The following SLC41A3 variants were observed in gnomAD, a reference collection of about 807,000 sequenced individuals.
SLC41A3 encodes solute carrier family 41 member 3.
A neutral mutation model predicts 45.4 loss-of-function variants in SLC41A3; 44 were observed. The observed-to-expected ratio is 0.97, with a 90% CI of 0.76 to 1.25. The LOEUF (loss-of-function observed/expected upper bound fraction) is 1.25. Ranked by LOEUF, SLC41A3 falls within the 50% of genes most tolerant of loss-of-function variation. The pLI, the probability that SLC41A3 is intolerant of heterozygous loss-of-function variation, is 0.00. For synonymous variants in SLC41A3, 256 were observed against 252.4 expected (o/e 1.01, Z -0.13); for missense variants, 550 against 600.6 (o/e 0.92, Z 0.88).
intron 1 of SLC41A3, chr3:126,092,592 G>C (rs1196755885): frequency 3.9e-5 from 6 of 153,010 alleles, no homozygotes; most frequent in African/African-American, 1.4e-4. Flanking sequence ...CTCCCCGACT[G>C]AGCTGGTCAC....
chr3:126,059,311 G>GAAAGAAAGAAAAGAAAGAAAGA lies in SLC41A3; in HGVS notation c.274-8262_274-8261insTCTTTCTTTCTTTTCTTTCTTT, dbSNP rs1576331873. On this transcript the variant is annotated intron_variant, in intron 2 of 10. Transcript: ENST00000360370. ...GAAAGAAAGAAAGAAAGAAAGAAAG[G>GAAAGAAAGAAAAGAAAGAAAGA]AAGGATGATCTGTGATAAGTGCTCT... Among the ~76,000 whole-genome samples the GAAAGAAAGAAAAGAAAGAAAGA allele has an allele frequency of 3.2e-4, 26 of 81,060 alleles. 1 individual carries two copies. Among genetic ancestry groups the GAAAGAAAGAAAAGAAAGAAAGA allele is most frequent in the Admixed American group, 6.1e-4 (5 of 8,176 alleles). 53.2% of individuals were successfully genotyped at this position (81,060 alleles called of 152,430 possible). A position where few individuals can be genotyped will look rare whatever the true frequency, so the allele number is the denominator to read the frequency against.
chr3:126,084,653 T>A (rs531142888), upstream of SLC41A3, among the ~76,000 whole-genome samples: 17 of 152,340 alleles, frequency 1.1e-4, no homozygotes, highest in East Asian at 2.3e-3. Flanking sequence ...CCTATTTTTT[T>A]AAACATTCTC....
intron 1 of SLC41A3, among the ~76,000 whole-genome samples, chr3:126,075,636 T>C (rs932521964): frequency 1.3e-5 from 2 of 152,208 alleles, no homozygotes; most frequent in African/African-American, 2.4e-5. Flanking sequence ...AATAGAAATA[T>C]AGATTAACAG....
At chr3:126,059,233 G>GAGA (rs1559869410) in intron 2 of SLC41A3, among the ~76,000 whole-genome samples, 23 of 5,934 alleles carry the variant, frequency 3.9e-3, no homozygotes, top group Admixed American at 0.014. Flanking sequence ...AAGAAAGAAA[G>GAGA]AGAAAGAAAG....
intron 1 of SLC41A3, among the ~76,000 whole-genome samples, chr3:126,099,826 G>A (rs1945673799): frequency 6.6e-6 from 1 of 152,208 alleles, no homozygotes; most frequent in Non-Finnish European, 1.5e-5. Context: ...GATACCCAGA[G>A]TCTGTCACTG....
intron 2 of SLC41A3, among the ~76,000 whole-genome samples, chr3:126,058,457 G>A (rs1354867637): frequency 1.3e-5 from 2 of 152,126 alleles, no homozygotes; most frequent in African/African-American, 4.8e-5. Flanking sequence ...CCTCTCCCAA[G>A]TGGCCTGCCT....
chr3:126,033,400 G>C (rs1340650998), intron 4 of SLC41A3, among the ~76,000 whole-genome samples: 1 of 148,074 alleles, frequency 6.8e-6, no homozygotes, highest in Admixed American at 6.7e-5. Flanking sequence ...GAAGCTGGAG[G>C]GACAACCCTG....
At chr3:126,063,958 C>CCCT (rs58082062) in intron 2 of SLC41A3, among the ~76,000 whole-genome samples, 2 of 138,456 alleles carry the variant, frequency 1.4e-5, no homozygotes, top group African/African-American at 2.6e-5. Context: ...AACCCCCCCC[C>CCCT]GGGGACACAC....
chr3:126,068,738 A>G (rs1306618585), intron 1 of SLC41A3, among the ~76,000 whole-genome samples: 3 of 152,164 alleles, frequency 2.0e-5, no homozygotes, highest in East Asian at 1.9e-4. Flanking sequence ...TTGAAAATTG[A>G]CAGCCTGCAA....
chr3:126,030,402 T>C (rs1410674205), intron 4 of SLC41A3, among the ~76,000 whole-genome samples: 7 of 151,564 alleles, frequency 4.6e-5, no homozygotes. Flanking sequence ...GAAAAGAAAA[T>C]ACAAAGGGAT....
At chr3:126,092,149 TAAACAA>T (rs1204026712) in intron 1 of SLC41A3, among the ~76,000 whole-genome samples, 8 of 152,196 alleles carry the variant, frequency 5.3e-5, no homozygotes, top group African/African-American at 1.9e-4. Flanking sequence ...AAAGTGGCCA[TAAACAA>T]AATCTCTGCA....
intron 8 of SLC41A3, among the ~76,000 whole-genome samples, chr3:126,014,816 G>A (rs1481894251): frequency 6.6e-6 from 1 of 152,206 alleles, no homozygotes; most frequent in East Asian, 1.9e-4. Context: ...TCCATTTACA[G>A]AAACTTATCA....
chr3:126,081,403 T>C (rs1945146091), intron 1 of SLC41A3, among the ~76,000 whole-genome samples: 1 of 152,092 alleles, frequency 6.6e-6, no homozygotes, highest in African/African-American at 2.4e-5. Context: ...AAATACACAG[T>C]TTGATGGAAG....
At position 126,006,469 on chromosome 3, in the gene SLC41A3, A is replaced by T. The variant is rs1939107029; in HGVS notation, c.*547T>A. The T allele has an allele frequency of 6.2e-7, 1 of 1,613,874 alleles. No individual in the cohort carries two copies. The highest frequency in any genetic ancestry group is 1.3e-5 in the African/African-American group (1 of 74,908). ...TAAAAAGACAGCAAGGACACGATTAAATGTTGAGTGCAGATGAAGGGTTGT... is the reference window on the plus strand; with the variant it reads ...TAAAAAGACAGCAAGGACACGATTATATGTTGAGTGCAGATGAAGGGTTGT... On this transcript the variant is annotated 3_prime_UTR_variant, in exon 11 of 11. Transcript: ENST00000360370.
intron 5 of SLC41A3, chr3:126,024,690 T>C (rs572716388): frequency 3.3e-5 from 5 of 152,344 alleles, no homozygotes; most frequent in African/African-American, 9.6e-5. Context: ...AATGGATGTA[T>C]AAACACAGGT....
intron 1 of SLC41A3, among the ~76,000 whole-genome samples, chr3:126,096,287 G>A (rs1202009516): frequency 1.3e-5 from 2 of 152,146 alleles, no homozygotes; most frequent in Non-Finnish European, 2.9e-5. Context: ...CTGCAGATGC[G>A]GATCCTGACT....
intron 8 of SLC41A3, among the ~76,000 whole-genome samples, chr3:126,014,322 T>C (rs575702728): frequency 1.3e-5 from 2 of 152,288 alleles, no homozygotes; most frequent in South Asian, 2.1e-4. Flanking sequence ...AGGCCCTTAA[T>C]ACAGATTCCC....
chr3:126,006,960 T>C lies in SLC41A3; in HGVS notation c.*56A>G. 3.1e-6 allele frequency: 5 copies of C among 1,609,842 alleles called. No homozygotes were observed. The highest frequency in any genetic ancestry group is 4.2e-6 in the Non-Finnish European group (5 of 1,177,362). On this transcript the variant is annotated 3_prime_UTR_variant, in exon 11 of 11. Coordinates refer to ENST00000360370, the MANE Select transcript of SLC41A3 (RefSeq NM_017836.4). ...CTGGCAAGGGAGAAACTGAATTCTGTATCCCACTGATGTGAGAGGAAATTC... is the reference window on the plus strand; with the variant it reads ...CTGGCAAGGGAGAAACTGAATTCTGCATCCCACTGATGTGAGAGGAAATTC...
At chr3:126,033,473 G>A (rs1470684462) in intron 4 of SLC41A3, 134 bp downstream of exon 4, 2 of 897,596 alleles carry the variant, frequency 2.2e-6, no homozygotes, top group African/African-American at 1.7e-5. Flanking sequence ...GGATGTGGGA[G>A]GGACAGGTAG....
Sources: allele counts gnomAD v4.1 joint callset (sites outside exome capture counted in the v4.1 genomes callset), GRCh38; gene constraint gnomAD v4.1.1; transcripts MANE v1.5; gene names NCBI Gene and HGNC (gene_info 2026-07-23, HGNC 2026-07-21).